ATAD1: variants seen among roughly 807,000 people sequenced by gnomAD.
ATAD1 encodes ATPase family AAA domain containing 1.
Under a neutral mutation model 42.7 loss-of-function variants are expected in ATAD1, and 18 were observed. That is an observed-to-expected ratio of 0.42 (90% confidence interval 0.29 to 0.63). The LOEUF is 0.63. ATAD1 is among the 20% of genes least tolerant of loss of function. The probability of loss-of-function intolerance (pLI) is 0.19; values close to 1 mark genes in which losing one functional copy is unlikely to be tolerated. For missense variants in ATAD1, 294 were observed against 440.4 expected, an observed-to-expected ratio of 0.67 and a Z score of 2.98; for synonymous variants, 132 against 143.1, an observed-to-expected ratio of 0.92 and a Z score of 0.55.
At chr10:87,820,187 T>C (rs1017647463), upstream of ATAD1, among the ~76,000 whole-genome samples, 2 of 152,164 alleles carry the variant, frequency 1.3e-5, no homozygotes, top group African/African-American at 2.4e-5. Flanking sequence ...GATCCCAAGC[T>C]GAATCATTGC....
intron 1 of ATAD1, among the ~76,000 whole-genome samples, chr10:87,823,292 C>T (rs887595527): frequency 3.3e-5 from 5 of 152,040 alleles, no homozygotes; most frequent in African/African-American, 2.4e-5. Flanking sequence ...AGCAGCATTG[C>T]CAAGTGTACT....
At chr10:87,779,967 CT>C (rs1855489864) in intron 5 of ATAD1, among the ~76,000 whole-genome samples, 1 of 152,188 alleles carries the variant, frequency 6.6e-6, no homozygotes, top group African/African-American at 2.4e-5. Context: ...CTGTGGTACT[CT>C]TAGGTATTTC....
At chr10:87,777,517 C>T (rs942516143) in intron 5 of ATAD1, among the ~76,000 whole-genome samples, 9 of 151,416 alleles carry the variant, frequency 5.9e-5, no homozygotes, top group African/African-American at 2.2e-4. Flanking sequence ...CTACAATGAA[C>T]ATGAAATGCT....
chr10:87,820,398 A>C (rs1359798063), upstream of ATAD1, among the ~76,000 whole-genome samples: 1 of 152,206 alleles, frequency 6.6e-6, no homozygotes, highest in African/African-American at 2.4e-5. Context: ...CCCTCTTCTA[A>C]GGACCAGGGT....
intron 4 of ATAD1, among the ~76,000 whole-genome samples, chr10:87,785,233 C>A: frequency 6.6e-6 from 1 of 152,062 alleles, no homozygotes; most frequent in Non-Finnish European, 1.5e-5. Flanking sequence ...CCATTAACAG[C>A]ATTTTGCTGC....
chr10:87,803,126 T>C lies in ATAD1; in HGVS notation c.163-10371A>G, dbSNP rs142687105. Among the ~76,000 whole-genome samples the C allele has an allele frequency of 1.2e-4, 19 of 152,294 alleles. No homozygotes were observed. The East Asian group carries it at 3.7e-3, about 29-fold the overall frequency. Reference sequence around the variant, plus strand: ...TGGCCTATATAAATTTTCCAGGATTTGTTTTTTGTTTTTTGTTGTTTTTCT... The same window carrying C: ...TGGCCTATATAAATTTTCCAGGATTCGTTTTTTGTTTTTTGTTGTTTTTCT... On this transcript the variant is annotated intron_variant, in intron 2 of 9. Transcript: ENST00000680024.
intron 3 of ATAD1, 55 bp from the exon 4 acceptor site, chr10:87,790,485 T>G: frequency 6.6e-7 from 1 of 1,507,406 alleles, no homozygotes; most frequent in South Asian, 1.3e-5. Flanking sequence ...CTCACTAAAG[T>G]AAAAAGAACG....
chr10:87,806,529 T>C (rs188870943), intron 2 of ATAD1, among the ~76,000 whole-genome samples: 3 of 152,242 alleles, frequency 2.0e-5, no homozygotes, highest in Non-Finnish European at 2.9e-5. Flanking sequence ...AACTTAACCA[T>C]ATGTTTGATT....
chr10:87,762,379 C>T (rs553292354), intron 8 of ATAD1, among the ~76,000 whole-genome samples: 3 of 152,240 alleles, frequency 2.0e-5, no homozygotes, highest in African/African-American at 7.2e-5. Flanking sequence ...TAACTATCCC[C>T]TTTATTTTCT....
intron 1 of ATAD1, among the ~76,000 whole-genome samples, chr10:87,815,299 G>T (rs1400907571): frequency 1.3e-5 from 2 of 151,934 alleles, no homozygotes; most frequent in Non-Finnish European, 2.9e-5. Context: ...TGAGATAAAT[G>T]TGCCTATTTT....
chr10:87,805,554 C>A (rs1856883849), intron 2 of ATAD1, among the ~76,000 whole-genome samples: 1 of 152,066 alleles, frequency 6.6e-6, no homozygotes, highest in Admixed American at 6.5e-5. Context: ...ATACTGATCA[C>A]ATATTTACCT....
chr10:87,794,754 A>C (rs1856300447), intron 2 of ATAD1, among the ~76,000 whole-genome samples: 1 of 152,236 alleles, frequency 6.6e-6, no homozygotes, highest in African/African-American at 2.4e-5. Context: ...GCCTAAATAA[A>C]GCTTTTAAAA....
Position 87,756,865 on chromosome 10 carries a change from T to C in ATAD1, c.889A>G (p.Ser297Gly). The C allele has an allele frequency of 6.2e-7, 1 of 1,612,704 alleles. No individual in the cohort carries two copies. Among genetic ancestry groups the C allele is most frequent in the Non-Finnish European group, 8.5e-7 (1 of 1,179,308 alleles). ...TCTCGACACATCTCTTTTAGGTCACTTCCTGAAAACCCATCAGTTTCCTGG... is the reference window on the plus strand; with the variant it reads ...TCTCGACACATCTCTTTTAGGTCACCTCCTGAAAACCCATCAGTTTCCTGG... Reference protein sequence around the residue: ...VAQETDGFSGSDLKEMCRDAA... With the variant: ...VAQETDGFSGGDLKEMCRDAA... Residue 297 changes from serine to glycine, a missense_variant, in exon 9 of 10, where the codon AGT (serine) becomes GGT (glycine). By Grantham distance (56) the Ser-to-Gly change is moderately conservative. Transcript: ENST00000680024.
chr10:87,815,569 T>C (rs1189743395), intron 1 of ATAD1, among the ~76,000 whole-genome samples: 1 of 152,064 alleles, frequency 6.6e-6, no homozygotes, highest in Non-Finnish European at 1.5e-5. Flanking sequence ...AGAATTTGTA[T>C]GGCTCAGCAG....
At chr10:87,767,822 C>G (rs1854834844) in intron 7 of ATAD1, 99 bp from the exon 8 acceptor site, 1 of 1,162,056 alleles carries the variant, frequency 8.6e-7, no homozygotes, top group Admixed American at 2.3e-5. Flanking sequence ...AAGTCTCTCT[C>G]AATACTTATA....
In ATAD1 at chr10:87,751,558, T is replaced by C. The variant is rs1368395040; in HGVS notation, c.*3129A>G. ...AATAAGGTTCAAGTTCTCCTCAATA[T>C]GATTTTCATTAACATCATGATTTAG... is the stretch of plus-strand genomic sequence containing the variant. On this transcript the variant is annotated 3_prime_UTR_variant, in exon 10 of 10. Coordinates refer to ENST00000680024, the MANE Select transcript of ATAD1 (RefSeq NM_001321967.2). The C allele has an allele frequency of 6.6e-6, 1 of 152,220 alleles. No individual in the cohort carries two copies. Among genetic ancestry groups the C allele is most frequent in the African/African-American group, 2.4e-5 (1 of 41,470 alleles). 9.4% of individuals were successfully genotyped at this position (152,220 alleles called of 1,614,324 possible). A position where few individuals can be genotyped will look rare whatever the true frequency, so the allele number is the denominator to read the frequency against.
chr10:87,798,751 A>T (rs1856537805), intron 2 of ATAD1, among the ~76,000 whole-genome samples: 1 of 151,930 alleles, frequency 6.6e-6, no homozygotes, highest in Non-Finnish European at 1.5e-5. Context: ...TTTTCTTTCC[A>T]TACTTTATGG....
At chr10:87,797,445 C>CT (rs1426469726) in intron 2 of ATAD1, among the ~76,000 whole-genome samples, 2 of 151,284 alleles carry the variant, frequency 1.3e-5, no homozygotes, top group Non-Finnish European at 1.5e-5. Flanking sequence ...CCTTTGCCAT[C>CT]TGTAGTACCA....
chr10:87,759,655 G>T, intron 8 of ATAD1: 1 of 370,028 alleles, frequency 2.7e-6, no homozygotes. Flanking sequence ...AAGAAAAGAA[G>T]ATTCCAGTCA....
Sources: gnomAD v4.1 joint callset for allele counts (sites outside exome capture counted in the v4.1 genomes callset) on GRCh38, gnomAD v4.1.1 for gene constraint, MANE v1.5 for transcripts, NCBI Gene and HGNC (gene_info 2026-07-23, HGNC 2026-07-21) for gene names.